The following RUFY1 variants were observed in gnomAD, a reference collection of about 807,000 sequenced individuals.
RUFY1 encodes RUN and FYVE domain-containing protein 1.
Under a neutral mutation model 94.6 loss-of-function variants are expected in RUFY1, and 54 were observed. That is an observed-to-expected ratio of 0.57 (90% CI 0.46 to 0.72). The LOEUF is 0.72. RUFY1 is among the 30% of genes least tolerant of loss of function. The pLI, the probability that RUFY1 is intolerant of heterozygous loss-of-function variation, is 0.00. For missense variants in RUFY1, 883 were observed against 883.9 expected (o/e 1.00, Z 0.01); for synonymous variants, 396 against 347.3 (o/e 1.14, Z -1.56).
chr5:179,608,822 T>C (rs1033702460), intron 17 of RUFY1, among the ~76,000 whole-genome samples: 1 of 151,508 alleles, frequency 6.6e-6, no homozygotes, highest in Non-Finnish European at 1.5e-5. Flanking sequence ...TCCCAGCTAC[T>C]TGGGAGGCTG....
chr5:179,569,531 C>T lies in RUFY1; in HGVS notation c.828+106C>T. 4.3e-6 allele frequency: 5 copies of T among 1,160,176 alleles called. No homozygotes were observed. In the Admixed American group the frequency reaches 8.6e-5, roughly 20 times the overall value. 71.9% of individuals were successfully genotyped at this position (1,160,176 alleles called of 1,614,324 possible). Reference sequence around the variant, plus strand: ...CCAAAGAAGGGCAAATGGCAAAGAGCCCACTGGTAGAGGACCCCAGGGATG... The same window carrying T: ...CCAAAGAAGGGCAAATGGCAAAGAGTCCACTGGTAGAGGACCCCAGGGATG... On this transcript the variant is annotated intron_variant, in intron 5 of 17. Transcript: ENST00000319449.
intron 1 of RUFY1, 160 bp from the exon 2 acceptor site, chr5:179,559,865 G>A (rs1430516525): frequency 4.9e-6 from 7 of 1,418,762 alleles, no homozygotes; most frequent in African/African-American, 2.9e-5. Context: ...AGGGATCAGG[G>A]ACTACTTACC....
rs149099074 is a variant in RUFY1 at position 179,580,241 on chromosome 5, G to GTGTGTGTGTATATATATATA, written c.891-705_891-704insGTGTGTGTATATATATATAT. Among the ~76,000 whole-genome samples the GTGTGTGTGTATATATATATA allele has an allele frequency of 2.2e-4, 21 of 93,880 alleles. No homozygotes were observed. The Middle Eastern group carries it at 0.017, about 76-fold the overall frequency. 61.6% of individuals were successfully genotyped at this position (93,880 alleles called of 152,430 possible). On this transcript the variant is annotated intron_variant, in intron 6 of 17. Coordinates refer to ENST00000319449, the MANE Select transcript of RUFY1 (RefSeq NM_025158.5). ...TGTGTGTGTGTGTGTGTGTGTGTGT[G>GTGTGTGTGTATATATATATA]TATATTTTTTTTTTTTTTTGAGACG...
In RUFY1 at chr5:179,567,505, T is replaced by C; in HGVS notation, c.647T>C (p.Met216Thr). 6.2e-7 allele frequency: 1 copy of C among 1,614,166 alleles called. No homozygotes were observed. Among genetic ancestry groups the C allele is most frequent in the South Asian group, 1.1e-5 (1 of 91,090 alleles). The change falls in exon 4 of 18, where the codon ATG (methionine) becomes ACG (threonine). Residue 216 changes from methionine to threonine, a missense_variant. By Grantham distance (81) the Met-to-Thr change is moderately conservative. Coordinates refer to ENST00000319449, the MANE Select transcript of RUFY1 (RefSeq NM_025158.5). ...RGRAWLYLALMQKKLADYLKV... is the reference protein window; with the variant it reads ...RGRAWLYLALTQKKLADYLKV... ...CGAGCGTGGCTTTATCTTGCACTCA[T>C]GCAAAAGAAACTGGCAGATTATCTG...
intron 17 of RUFY1, chr5:179,608,742 A>C (rs1473415122): frequency 3.9e-6 from 2 of 508,366 alleles, no homozygotes; most frequent in Admixed American, 1.3e-4. Context: ...TCTGGCCAAG[A>C]TGGTGAAACC....
At chr5:179,560,278 C>T in intron 2 of RUFY1, 80 bp downstream of exon 2, 1 of 1,500,594 alleles carries the variant, frequency 6.7e-7, no homozygotes, top group Non-Finnish European at 9.0e-7. Context: ...CGCCAGACAT[C>T]CTTCTAGATG....
At chr5:179,586,518 A>G in intron 8 of RUFY1, 1 of 448,094 alleles carries the variant, frequency 2.2e-6, no homozygotes, top group South Asian at 1.6e-5. Context: ...TAGAAGGACA[A>G]GGGCTCTGAG....
Position 179,560,029 on chromosome 5 carries a change from T to G in RUFY1, c.315T>G (p.Ser105=), listed in dbSNP as rs1297350102. Residue 105 remains serine, a synonymous_variant, in exon 2 of 18, where the codon TCT becomes TCG. Coordinates refer to ENST00000319449, the MANE Select transcript of RUFY1 (RefSeq NM_025158.5). ...ATCCCTGCTCCTGCCCCACAGCTTC[T>G]AAGTGCCAGATGATGGAGGAGCGTG... is the stretch of plus-strand genomic sequence containing the variant. ...DSGDGTARAA[S]KCQMMEERAN... 1 of 1,613,270 alleles carries G rather than the reference T, an allele frequency of 6.2e-7. No homozygotes were observed. The highest frequency in any genetic ancestry group is 8.5e-7 in the Non-Finnish European group (1 of 1,179,584).
At chr5:179,561,700 T>TTTTTTTTTTTTTTTTTG (rs764059834) in intron 2 of RUFY1, among the ~76,000 whole-genome samples, 2 of 95,612 alleles carry the variant, frequency 2.1e-5, no homozygotes, top group African/African-American at 4.3e-5. Flanking sequence ...TTTTTTTTTT[T>TTTTTTTTTTTTTTTTTG]TTTGAAGAGT....
Position 179,605,385 on chromosome 5 carries a change from T to C in RUFY1, c.1857-491T>C, listed in dbSNP as rs73809496. Among the ~76,000 whole-genome samples, 1,451 of 152,274 alleles carry C rather than the reference T, an allele frequency of 9.5e-3. 29 individuals carry two copies. Among genetic ancestry groups the C allele is most frequent in the African/African-American group, 0.031 (1,295 of 41,530 alleles). On this transcript the variant is annotated intron_variant, in intron 15 of 17. Coordinates refer to ENST00000319449, the MANE Select transcript of RUFY1 (RefSeq NM_025158.5). Reference sequence around the variant, plus strand: ...AGACCATGTTCAGTCCTGTCTCTTGTGTAAACAAAGGAATTGTTCTGACAC... The same window carrying C: ...AGACCATGTTCAGTCCTGTCTCTTGCGTAAACAAAGGAATTGTTCTGACAC...
At position 179,583,875 on chromosome 5, in the gene RUFY1, A is replaced by G. The variant is rs528050976; in HGVS notation, c.957-1921A>G. The stretch of plus-strand genomic sequence containing the variant: ...CGCCATTCTCCTGCCTCAGCCTCCC[A>G]AGTAGCTGGGATTGCAGGCGCCCAC... On this transcript the variant is annotated intron_variant, in intron 7 of 17. Coordinates refer to ENST00000319449, the MANE Select transcript of RUFY1 (RefSeq NM_025158.5). Among the ~76,000 whole-genome samples the G allele has an allele frequency of 2.6e-5, 4 of 151,128 alleles. No individual in the cohort carries two copies. In the South Asian group the frequency reaches 8.4e-4, roughly 32 times the overall value.
chr5:179,593,396 G>C lies in RUFY1; in HGVS notation c.1246-82G>C, dbSNP rs571180647. ...ACCCAGCCTTCAGTTTGTATTTTAA[G>C]CATTACCTGAGATTCAACCCCAGTT... On this transcript the variant is annotated intron_variant, in intron 10 of 17. Coordinates refer to ENST00000319449, the MANE Select transcript of RUFY1 (RefSeq NM_025158.5). 2.5e-5 allele frequency: 37 copies of C among 1,493,394 alleles called. No homozygotes were observed. In the African/African-American group the frequency reaches 4.2e-4, roughly 17 times the overall value. 92.5% of individuals were successfully genotyped at this position (1,493,394 alleles called of 1,614,324 possible). A position where few individuals can be genotyped will look rare whatever the true frequency, so the allele number is the denominator to read the frequency against.
At chr5:179,555,621 C>CTTTTTTTTTT (rs10556244) in intron 1 of RUFY1, 6 of 249,714 alleles carry the variant, frequency 2.4e-5, no homozygotes, top group Non-Finnish European at 3.6e-5. Flanking sequence ...AAACTCCCAA[C>CTTTTTTTTTT]TTTTTTTTTT....
At position 179,550,750 on chromosome 5, in the gene RUFY1, G is replaced by A. The variant is rs1211539837; in HGVS notation, c.181G>A (p.Gly61Ser). 8.3e-6 allele frequency: 12 copies of A among 1,450,106 alleles called. No homozygotes were observed. Among genetic ancestry groups the A allele is most frequent in the African/African-American group, 1.5e-5 (1 of 67,740 alleles). The allele number at this position is 1,450,106 out of a possible 1,614,324, so 89.8% of individuals were successfully genotyped here. A position where few individuals can be genotyped will look rare whatever the true frequency, so the allele number is the denominator to read the frequency against. ...RSATRPRAAEGWSAPILTLAR... is the reference protein window; with the variant it reads ...RSATRPRAAESWSAPILTLAR... ...CGCAACGAGGCCGCGGGCGGCCGAG[G>A]GCTGGTCGGCGCCCATCCTGACCCT... The change falls in exon 1 of 18, where the codon GGC becomes AGC. Residue 61 changes from glycine (G) to serine (S), a missense_variant. Physicochemically the swap from Gly to Ser is moderately conservative, Grantham distance 56. Coordinates refer to ENST00000319449, the MANE Select transcript of RUFY1 (RefSeq NM_025158.5).
In RUFY1 at chr5:179,593,474, T is replaced by C. The variant is rs752683337; in HGVS notation, c.1246-4T>C. On this transcript the variant is annotated splice_region_variant and splice_polypyrimidine_tract_variant and intron_variant, in intron 10 of 17. Transcript: ENST00000319449. Reference sequence around the variant, plus strand: ...AACATTTTCCTTGTAAATATCCTTTTAAGGAACTGGAAAAAGAACTGGAGT... The same window carrying C: ...AACATTTTCCTTGTAAATATCCTTTCAAGGAACTGGAAAAAGAACTGGAGT... The C allele has an allele frequency of 7.5e-5, 118 of 1,583,602 alleles. No homozygotes were observed. In the South Asian group the frequency reaches 1.2e-3, roughly 16 times the overall value.
rs1462256358 is a variant in RUFY1 at position 179,587,362 on chromosome 5, G to A, written c.1026+1497G>A. On this transcript the variant is annotated intron_variant, in intron 8 of 17. Coordinates refer to ENST00000319449, the MANE Select transcript of RUFY1 (RefSeq NM_025158.5). ...AGTCACTGAGCCCAGCTTCGGTTAT[G>A]TTTTCTTTTTTCTTTCTTTCTTTTT... is the stretch of plus-strand genomic sequence containing the variant. Among the ~76,000 whole-genome samples the A allele has an allele frequency of 2.5e-5, 3 of 119,824 alleles. No individual in the cohort carries two copies. The Admixed American group carries it at 2.9e-4, about 12-fold the overall frequency. 78.6% of individuals were successfully genotyped at this position (119,824 alleles called of 152,430 possible).
rs1433612124 is a variant in RUFY1, at chr5:179,608,498, G to C, written c.1983+839G>C. ...TCTTGATGTCTTATCAGGCACCCAG[G>C]GAACCTGTTTAGAAAGGGATCTACT... On this transcript the variant is annotated intron_variant, in intron 17 of 17. Transcript: ENST00000319449. The C allele has an allele frequency of 1.0e-5, 10 of 985,438 alleles. No homozygotes were observed. The African/African-American group carries it at 1.2e-4, about 12-fold the overall frequency. 61.0% of individuals were successfully genotyped at this position (985,438 alleles called of 1,614,324 possible).
chr5:179,603,044 G>C (rs752689177), intron 15 of RUFY1, among the ~76,000 whole-genome samples: 12 of 152,176 alleles, frequency 7.9e-5, no homozygotes, highest in Non-Finnish European at 1.8e-4. Context: ...GAGGTGAGCA[G>C]ATCACCTGAG....
Position 179,598,823 on chromosome 5 carries a change from T to A in RUFY1, c.1761+2T>A. On this transcript the variant is annotated splice_donor_variant, in intron 14 of 17. Transcript: ENST00000319449. LOFTEE classifies it high-confidence loss of function. ...CAACAAGTGGAAGGACTGAAAAAGGTGAGGTGGGCCATCCCGGGAGAGGAG... is the reference window on the plus strand; with the variant it reads ...CAACAAGTGGAAGGACTGAAAAAGGAGAGGTGGGCCATCCCGGGAGAGGAG... The A allele has an allele frequency of 6.2e-7, 1 of 1,614,060 alleles. No individual in the cohort carries two copies. The highest frequency in any genetic ancestry group is 8.5e-7 in the Non-Finnish European group (1 of 1,179,994).
Sources: gnomAD v4.1 joint callset for allele counts (sites outside exome capture counted in the v4.1 genomes callset) on GRCh38, gnomAD v4.1.1 for gene constraint, MANE v1.5 for transcripts, NCBI Gene and HGNC (gene_info 2026-07-23, HGNC 2026-07-21) for gene names.